FYN: variants seen among roughly 807,000 people sequenced by gnomAD.
FYN encodes tyrosine-protein kinase Fyn.
A neutral mutation model predicts 70.2 loss-of-function variants in FYN; 10 were observed. The ratio of observed to expected loss-of-function variants is 0.14; its 90% CI spans 0.09 to 0.24. The LOEUF is 0.24. Among genes scored for constraint, FYN ranks in the 10% least tolerant of loss-of-function variants. The probability of loss-of-function intolerance (pLI) is 1.00; values close to 1 mark genes in which losing one functional copy is unlikely to be tolerated. For synonymous variants in FYN, 236 were observed against 248.6 expected, an observed-to-expected ratio of 0.95 and a Z score of 0.48; for missense variants, 319 against 673.1, an observed-to-expected ratio of 0.47 and a Z score of 5.82.
intron 1 of FYN, among the ~76,000 whole-genome samples, chr6:111,862,480 AG>A (rs1056879263): frequency 7.2e-5 from 11 of 152,216 alleles, no homozygotes; most frequent in African/African-American, 2.7e-4. Flanking sequence ...CCAGCCTCAT[AG>A]CGCAGATGCC....
intron 2 of FYN, among the ~76,000 whole-genome samples, chr6:111,823,422 G>C (rs1772735076): frequency 6.6e-6 from 1 of 152,164 alleles, no homozygotes; most frequent in Non-Finnish European, 1.5e-5. Context: ...AGAAAACACT[G>C]GACTAGACAA....
intron 2 of FYN, among the ~76,000 whole-genome samples, chr6:111,838,013 T>C (rs1773243545): frequency 6.6e-6 from 1 of 152,150 alleles, no homozygotes; most frequent in South Asian, 2.1e-4. Context: ...CCCTAGATCT[T>C]CCGAAAAGCC....
At chr6:111,817,052 T>G (rs1032679944) in intron 2 of FYN, among the ~76,000 whole-genome samples, 3 of 152,082 alleles carry the variant, frequency 2.0e-5, no homozygotes, top group African/African-American at 7.3e-5. Context: ...ATTAAAATTT[T>G]GATGTAAAAT....
chr6:111,707,880 T>C lies in FYN; in HGVS notation c.443+42A>G, dbSNP rs753069114. 12 of 1,474,264 alleles carry C rather than the reference T, an allele frequency of 8.1e-6. No individual in the cohort carries two copies. The Admixed American group carries it at 2.0e-4, about 25-fold the overall frequency. 91.3% of individuals were successfully genotyped at this position (1,474,264 alleles called of 1,614,324 possible). Reference sequence around the variant, plus strand: ...ATGGCATTTTATTGCGGCAATCAACTTTTAAAATCAAGTAGTTAAGTGAAA... The same window carrying C: ...ATGGCATTTTATTGCGGCAATCAACCTTTAAAATCAAGTAGTTAAGTGAAA... On this transcript the variant is annotated intron_variant, in intron 6 of 13. Coordinates refer to ENST00000354650, the MANE Select transcript of FYN (RefSeq NM_002037.5).
chr6:111,747,958 A>G (rs1405837243), intron 3 of FYN, among the ~76,000 whole-genome samples: 3 of 152,242 alleles, frequency 2.0e-5, no homozygotes, highest in Non-Finnish European at 4.4e-5. Flanking sequence ...CTCATTCATT[A>G]CTATTCCATG....
chr6:111,865,628 C>T (rs919166215), intron 1 of FYN, among the ~76,000 whole-genome samples: 3 of 152,154 alleles, frequency 2.0e-5, no homozygotes, highest in Non-Finnish European at 2.9e-5. Context: ...TAGATTTGCT[C>T]AACTAGAAAC....
intron 12 of FYN, among the ~76,000 whole-genome samples, chr6:111,675,743 A>G (rs1216872678): frequency 1.3e-5 from 2 of 152,058 alleles, no homozygotes; most frequent in Non-Finnish European, 2.9e-5. Flanking sequence ...CAGTGAGCCG[A>G]GATCGTGCCA....
intron 3 of FYN, chr6:111,754,524 C>A (rs1802627623): frequency 6.6e-6 from 1 of 152,178 alleles, no homozygotes; most frequent in Non-Finnish European, 1.5e-5. Context: ...CAAGTTGGAT[C>A]TTTCTTTAAA....
intron 2 of FYN, among the ~76,000 whole-genome samples, chr6:111,791,380 T>C (rs1771616009): frequency 6.6e-6 from 1 of 152,208 alleles, no homozygotes; most frequent in Non-Finnish European, 1.5e-5. Flanking sequence ...GTAGTATAGA[T>C]TGAACCGTGT....
chr6:111,785,041 A>G (rs1279119571), intron 2 of FYN, among the ~76,000 whole-genome samples: 1 of 152,252 alleles, frequency 6.6e-6, no homozygotes, highest in Non-Finnish European at 1.5e-5. Context: ...CTTAGCCACA[A>G]GAGCATATTT....
chr6:111,865,820 T>C (rs1774088695), intron 1 of FYN, among the ~76,000 whole-genome samples: 1 of 152,190 alleles, frequency 6.6e-6, no homozygotes, highest in Admixed American at 6.5e-5. Context: ...AGGTTAAAAT[T>C]CTGGTTATCT....
intron 1 of FYN, among the ~76,000 whole-genome samples, chr6:111,851,988 G>A (rs1346935219): frequency 2.0e-5 from 3 of 151,560 alleles, no homozygotes; most frequent in Admixed American, 6.6e-5. Flanking sequence ...CGCACCATGT[G>A]GCCCAACAAA....
chr6:111,708,425 T>C (rs1397804880), intron 5 of FYN, among the ~76,000 whole-genome samples: 3 of 152,092 alleles, frequency 2.0e-5, no homozygotes, highest in African/African-American at 2.4e-5. Context: ...GAGGTCAATA[T>C]GAGCTGCACA....
At chr6:111,674,921 T>C (rs1798466183) in intron 12 of FYN, among the ~76,000 whole-genome samples, 2 of 152,176 alleles carry the variant, frequency 1.3e-5, no homozygotes, top group South Asian at 4.1e-4. Context: ...TTTGAAATAA[T>C]GCTATGTTTT....
At chr6:111,726,654 GA>G in intron 3 of FYN, among the ~76,000 whole-genome samples, 1 of 152,214 alleles carries the variant, frequency 6.6e-6, no homozygotes, top group East Asian at 1.9e-4. Flanking sequence ...GGTGTTGAGG[GA>G]AAAATCCTAT....
chr6:111,864,100 A>T lies in FYN; in HGVS notation c.-123+8868T>A, dbSNP rs142667717. ...ATTTGTGCTCTTTTCTTATTATGCG[A>T]TAAGACCTGGTTCAATATATTCTGT... On this transcript the variant is annotated intron_variant, in intron 1 of 13. Transcript: ENST00000354650. 1.7e-3 allele frequency among the ~76,000 whole-genome samples: 254 copies of T among 152,282 alleles called. 2 individuals carry two copies. The highest frequency in any genetic ancestry group is 6.0e-3 in the African/African-American group (248 of 41,550).
At chr6:111,847,989 C>CA (rs1773579808) in intron 1 of FYN, among the ~76,000 whole-genome samples, 1 of 152,232 alleles carries the variant, frequency 6.6e-6, no homozygotes, top group African/African-American at 2.4e-5. Context: ...AACCGCCAGG[C>CA]AATAGATGCC....
At position 111,715,672 on chromosome 6, in the gene FYN, G is replaced by A. The variant is rs1406959103; in HGVS notation, c.248-1229C>T. Among the ~76,000 whole-genome samples the A allele has an allele frequency of 3.3e-5, 5 of 152,242 alleles. No individual in the cohort carries two copies. The East Asian group carries it at 7.8e-4, about 24-fold the overall frequency. ...TCTGGCCAACAGCCAGCGAGGCACC[G>A]AATCCTGCCAGCACTACATGAGTTT... On this transcript the variant is annotated intron_variant, in intron 4 of 13. Coordinates refer to ENST00000354650, the MANE Select transcript of FYN (RefSeq NM_002037.5).
chr6:111,844,412 T>C (rs1471922577), intron 2 of FYN, among the ~76,000 whole-genome samples: 1 of 152,228 alleles, frequency 6.6e-6, no homozygotes, highest in Non-Finnish European at 1.5e-5. Flanking sequence ...ATTAGATTCT[T>C]CTGGATAGGT....
Sources: gnomAD v4.1 joint callset for allele counts (sites outside exome capture counted in the v4.1 genomes callset) on GRCh38, gnomAD v4.1.1 for gene constraint, MANE v1.5 for transcripts, NCBI Gene and HGNC (gene_info 2026-07-23, HGNC 2026-07-21) for gene names.